SLC4A10: variants seen among roughly 807,000 people sequenced by gnomAD.
SLC4A10 encodes sodium-driven chloride bicarbonate exchanger.
A neutral mutation model predicts 137.7 loss-of-function variants in SLC4A10; 42 were observed. That is an observed-to-expected ratio of 0.30 (90% CI 0.24 to 0.39). The LOEUF is 0.39. SLC4A10 is among the 10% of genes least tolerant of loss of function. The pLI is 1.00. For synonymous variants in SLC4A10, 474 were observed against 464.1 expected (o/e 1.02, Z -0.27); for missense variants, 925 against 1,355.0 (o/e 0.68, Z 4.98).
At chr2:161,970,787 C>G (rs1174239009) in intron 23 of SLC4A10, among the ~76,000 whole-genome samples, 1 of 152,172 alleles carries the variant, frequency 6.6e-6, no homozygotes, top group Non-Finnish European at 1.5e-5. Context: ...AATTGTAATG[C>G]TATCACTAAA....
At chr2:161,697,896 G>A (rs1021671842) in intron 1 of SLC4A10, among the ~76,000 whole-genome samples, 4 of 152,172 alleles carry the variant, frequency 2.6e-5, no homozygotes, top group African/African-American at 7.2e-5. Flanking sequence ...ATTACCTTGG[G>A]CCGTATGGCC....
chr2:161,731,135 T>A (rs898093048), intron 1 of SLC4A10, among the ~76,000 whole-genome samples: 4 of 152,126 alleles, frequency 2.6e-5, no homozygotes, highest in Admixed American at 2.0e-4. Flanking sequence ...GCCTGGCACA[T>A]GGTAGGTATT....
intron 21 of SLC4A10, among the ~76,000 whole-genome samples, chr2:161,962,292 G>A (rs1328153795): frequency 6.6e-6 from 1 of 152,062 alleles, no homozygotes; most frequent in Non-Finnish European, 1.5e-5. Context: ...AACACTTCAG[G>A]AATCCAAAGT....
chr2:161,630,673 C>T (rs1215656506), intron 1 of SLC4A10, among the ~76,000 whole-genome samples: 1 of 151,688 alleles, frequency 6.6e-6, no homozygotes, highest in African/African-American at 2.4e-5. Context: ...AGCATAGCAT[C>T]AACGGCTGAG....
intron 2 of SLC4A10, among the ~76,000 whole-genome samples, chr2:161,772,292 A>T (rs2051719085): frequency 6.6e-6 from 1 of 151,826 alleles, no homozygotes; most frequent in South Asian, 2.1e-4. Flanking sequence ...CAACATATTT[A>T]CCTTCCTATT....
chr2:161,819,276 G>A (rs1673570656), intron 3 of SLC4A10, among the ~76,000 whole-genome samples: 2 of 152,122 alleles, frequency 1.3e-5, no homozygotes, highest in East Asian at 1.9e-4. Context: ...ATTCCTAGGT[G>A]AGTCTAAAGA....
chr2:161,812,236 C>T (rs1012464549), intron 3 of SLC4A10, among the ~76,000 whole-genome samples: 3 of 152,064 alleles, frequency 2.0e-5, no homozygotes, highest in South Asian at 2.1e-4. Context: ...CCCGCATACA[C>T]GAATAGTTTT....
intron 16 of SLC4A10, among the ~76,000 whole-genome samples, chr2:161,943,129 A>C (rs58364273): frequency 0.013 from 2,005 of 152,244 alleles, 41 homozygotes; most frequent in East Asian, 0.099. Context: ...TTATACAGAA[A>C]TATGTGACCG....
At chr2:161,789,519 G>GA (rs151152212) in intron 2 of SLC4A10, among the ~76,000 whole-genome samples, 4,724 of 145,648 alleles carry the variant, frequency 0.032, 247 homozygotes, top group African/African-American at 0.11. Context: ...CAGCCATCTT[G>GA]AAAAAAAAAA....
intron 3 of SLC4A10, among the ~76,000 whole-genome samples, chr2:161,810,271 C>T (rs1422244744): frequency 6.6e-6 from 1 of 151,876 alleles, no homozygotes; most frequent in Non-Finnish European, 1.5e-5. Flanking sequence ...TTGGTGGAGT[C>T]TTTAGGGTTT....
intron 1 of SLC4A10, among the ~76,000 whole-genome samples, chr2:161,675,338 A>C (rs2040170473): frequency 6.6e-6 from 1 of 152,134 alleles, no homozygotes; most frequent in Non-Finnish European, 1.5e-5. Context: ...GGGAGATTAA[A>C]CCTGAAGCCT....
chr2:161,916,551 C>T (rs1214942593), intron 15 of SLC4A10, among the ~76,000 whole-genome samples: 1 of 152,218 alleles, frequency 6.6e-6, no homozygotes, highest in East Asian at 1.9e-4. Context: ...TCAAAGCCCA[C>T]TGATGGCTTT....
intron 1 of SLC4A10, among the ~76,000 whole-genome samples, chr2:161,669,500 A>G (rs931286740): frequency 1.3e-5 from 2 of 152,076 alleles, no homozygotes; most frequent in East Asian, 3.9e-4. Flanking sequence ...TAAATGTGCC[A>G]TAGTTACTTT....
chr2:161,660,398 T>G (rs2038128212), intron 1 of SLC4A10, among the ~76,000 whole-genome samples: 2 of 152,174 alleles, frequency 1.3e-5, no homozygotes, highest in African/African-American at 4.8e-5. Flanking sequence ...TTGAGAAATA[T>G]AGTTATGTAT....
chr2:161,905,939 G>T, intron 15 of SLC4A10, 52 bp downstream of exon 15: 1 of 1,524,598 alleles, frequency 6.6e-7, no homozygotes, highest in Admixed American at 2.2e-5. Context: ...GACAAATATT[G>T]CTATTGTTAC....
At chr2:161,709,731 A>G (rs1423324305) in intron 1 of SLC4A10, 2 of 151,674 alleles carry the variant, frequency 1.3e-5, no homozygotes, top group Non-Finnish European at 3.0e-5. Context: ...ATCAAGTTAT[A>G]TATAATGCAT....
At chr2:161,643,516 A>T (rs1316912152) in intron 1 of SLC4A10, among the ~76,000 whole-genome samples, 1 of 152,124 alleles carries the variant, frequency 6.6e-6, no homozygotes, top group Non-Finnish European at 1.5e-5. Flanking sequence ...GAAAAACTAC[A>T]TCCAAATATG....
chr2:161,855,817 G>T (rs1362717086), intron 5 of SLC4A10, among the ~76,000 whole-genome samples: 1 of 151,976 alleles, frequency 6.6e-6, no homozygotes, highest in African/African-American at 2.4e-5. Flanking sequence ...GAGTATAAAT[G>T]AAATAATTGA....
At chr2:161,926,032 A>C (rs1321861931) in intron 15 of SLC4A10, among the ~76,000 whole-genome samples, 1 of 151,888 alleles carries the variant, frequency 6.6e-6, no homozygotes, top group Non-Finnish European at 1.5e-5. Flanking sequence ...TATTCTGTTG[A>C]TTTGGGGTGG....
Sources: allele counts gnomAD v4.1 joint callset (sites outside exome capture counted in the v4.1 genomes callset), GRCh38; gene constraint gnomAD v4.1.1; transcripts MANE v1.5; gene names NCBI Gene and HGNC (gene_info 2026-07-23, HGNC 2026-07-21).